Variants in GNB1 observed in about 807,000 individuals in gnomAD.
The protein encoded by GNB1 is G protein subunit beta 1, also known as guanine nucleotide-binding protein G(I)/G(S)/G(T) subunit beta-1.
In GNB1, 2 loss-of-function variants were observed where a neutral mutation model predicts 42.9. The ratio of observed to expected loss-of-function variants is 0.05; its 90% CI spans 0.02 to 0.15. GNB1 has a LOEUF of 0.15. Ranked by LOEUF, GNB1 falls within the 10% of genes least tolerant of loss-of-function variation. The pLI is 1.00. For missense variants in GNB1, 193 were observed against 462.2 expected, an observed-to-expected ratio of 0.42 and a Z score of 5.34; for synonymous variants, 183 against 174.7, an observed-to-expected ratio of 1.05 and a Z score of -0.38.
rs144056187 is a variant in GNB1 at position 1,863,545 on chromosome 1, T to C, written c.-95-24307A>G. Reference sequence around the variant, plus strand: ...TCTACTTAGGAGACCTAACTGCCTTTCTATGGCTAAACCTAGTGTTCAGGC... The same window carrying C: ...TCTACTTAGGAGACCTAACTGCCTTCCTATGGCTAAACCTAGTGTTCAGGC... On this transcript the variant is annotated intron_variant, in intron 1 of 11. Transcript: ENST00000378609. Among the ~76,000 whole-genome samples, 16 of 152,302 alleles carry C rather than the reference T, an allele frequency of 1.1e-4. 1 individual carries two copies. In the East Asian group the frequency reaches 3.1e-3, roughly 29 times the overall value.
chr1:1,824,578 AT>A (rs555144782), intron 3 of GNB1, among the ~76,000 whole-genome samples: 5 of 149,652 alleles, frequency 3.3e-5, no homozygotes, highest in African/African-American at 9.8e-5. Context: ...TTTATCTTCA[AT>A]TTTTTTTTTA....
At position 1,889,300 on chromosome 1, in the gene GNB1, ATT is replaced by A. The variant is rs142116846; in HGVS notation, c.-96+1518_-96+1519del. On this transcript the variant is annotated intron_variant, in intron 1 of 11. Coordinates refer to ENST00000378609, the MANE Select transcript of GNB1 (RefSeq NM_002074.5). ...AGCAACTGCTTAATCACCTAATACTATTTGAGACTAATGTTATCAGATAGATA... is the reference window on the plus strand; with the variant it reads ...AGCAACTGCTTAATCACCTAATACTATGAGACTAATGTTATCAGATAGATA... 5.1e-3 allele frequency among the ~76,000 whole-genome samples: 780 copies of A among 152,322 alleles called. 6 individuals are homozygous for A. Among genetic ancestry groups the A allele is most frequent in the African/African-American group, 0.017 (719 of 41,570 alleles).
intron 8 of GNB1, among the ~76,000 whole-genome samples, chr1:1,791,055 G>A (rs1646474976): frequency 6.6e-6 from 1 of 152,174 alleles, no homozygotes. Flanking sequence ...AGAAAAGGCA[G>A]GCAGGAGAAG....
intron 3 of GNB1, chr1:1,825,021 T>C: frequency 5.6e-6 from 1 of 178,640 alleles, no homozygotes; most frequent in African/African-American, 2.4e-5. Context: ...TTGTTAATAC[T>C]CTTACTTTTA....
At chr1:1,788,815 C>G (rs1486429864) in intron 10 of GNB1, 5 of 487,668 alleles carry the variant, frequency 1.0e-5, no homozygotes, top group Non-Finnish European at 1.9e-5. Context: ...CCTCTCCTGC[C>G]CACTGACTCT....
intron 1 of GNB1, among the ~76,000 whole-genome samples, chr1:1,842,288 G>T (rs1453020710): frequency 6.6e-6 from 1 of 152,150 alleles, no homozygotes; most frequent in African/African-American, 2.4e-5. Context: ...AAATTAGCCG[G>T]GCATGGTGGC....
rs181539575 is a variant in GNB1, at chr1:1,837,006, T to C, written c.-47+2184A>G. On this transcript the variant is annotated intron_variant, in intron 2 of 11. Coordinates refer to ENST00000378609, the MANE Select transcript of GNB1 (RefSeq NM_002074.5). ...CTAGCCAAAATTGAGTTTTGAGAGT[T>C]CTTACCTATTCTGGATACAAGTCAT... is the stretch of plus-strand genomic sequence containing the variant. Among the ~76,000 whole-genome samples, 11 of 152,114 alleles carry C rather than the reference T, an allele frequency of 7.2e-5. No individual in the cohort carries two copies. The East Asian group carries it at 2.1e-3, about 29-fold the overall frequency.
At chr1:1,871,426 C>T (rs1254596253) in intron 1 of GNB1, among the ~76,000 whole-genome samples, 2 of 152,158 alleles carry the variant, frequency 1.3e-5, no homozygotes, top group African/African-American at 4.8e-5. Context: ...CGCTACTGCA[C>T]TCCAGCCACG....
intron 5 of GNB1, among the ~76,000 whole-genome samples, chr1:1,813,984 C>T (rs898816189): frequency 2.0e-5 from 3 of 152,174 alleles, no homozygotes; most frequent in Non-Finnish European, 2.9e-5. Flanking sequence ...TTGAAACACA[C>T]GTTATTATGA....
At position 1,790,508 on chromosome 1, in the gene GNB1, T is replaced by A. The variant is rs757075718; in HGVS notation, c.586A>T (p.Thr196Ser). The A allele has an allele frequency of 1.9e-6, 3 of 1,613,354 alleles. No homozygotes were observed. The highest frequency in any genetic ancestry group is 2.5e-6 in the Non-Finnish European group (3 of 1,179,454). The change falls in exon 9 of 12, where the codon ACC (threonine) becomes TCC (serine). Residue 196 changes from threonine to serine, a missense_variant. Physicochemically the swap from Thr to Ser is moderately conservative, Grantham distance 58 (BLOSUM62 1). Transcript: ENST00000378609. This position sits in a 1 kb window ranked among gnomAD's most constrained non-coding sequence, Gnocchi z 5.4. ...CAAGCACCAGAGACGAACAGTCTGG[T>A]GTCAGGAGCAAGAGAAAGGCTCATG... ...DVMSLSLAPD[T>S]RLFVSGACDA...
At chr1:1,797,874 G>T (rs1646567954) in intron 7 of GNB1, among the ~76,000 whole-genome samples, 1 of 152,246 alleles carries the variant, frequency 6.6e-6, no homozygotes, top group Admixed American at 6.5e-5. Flanking sequence ...TGAAAGGCAG[G>T]CGGGCAAATG....
Position 1,789,234 on chromosome 1 carries a change from T to G in GNB1, c.735A>C (p.Ser245=). 1.2e-6 allele frequency: 2 copies of G among 1,612,352 alleles called. No individual in the cohort carries two copies. Among genetic ancestry groups the G allele is most frequent in the Non-Finnish European group, 1.7e-6 (2 of 1,178,400 alleles). ...FPNGNAFATG[S]DDATCRLFDL... ...CAAACAGCCTGCAGGTGGCGTCGTC[T>G]GAGCCAGTGGCAAATGCATTGCCAT... Residue 245 remains serine (S), a synonymous_variant, in exon 10 of 12, where the codon TCA becomes TCC. Transcript: ENST00000378609.
intron 7 of GNB1, among the ~76,000 whole-genome samples, chr1:1,795,177 G>A (rs971781604): frequency 5.9e-5 from 9 of 152,196 alleles, no homozygotes; most frequent in East Asian, 3.9e-4. Flanking sequence ...CATACCTGGC[G>A]CCCCCTGTAG....
At chr1:1,852,386 G>T (rs191621683) in intron 1 of GNB1, among the ~76,000 whole-genome samples, 1 of 151,958 alleles carries the variant, frequency 6.6e-6, no homozygotes, top group South Asian at 2.1e-4. Context: ...CCGCCACCAC[G>T]CCTGGCTAAT....
intron 2 of GNB1, 41 bp downstream of exon 2, chr1:1,839,149 G>A (rs989257683): frequency 1.3e-5 from 2 of 152,170 alleles, no homozygotes; most frequent in African/African-American, 2.4e-5. Context: ...TTTATATATT[G>A]TCTTTCTAAA....
intron 5 of GNB1, among the ~76,000 whole-genome samples, chr1:1,807,578 T>G (rs916119658): frequency 6.6e-6 from 1 of 150,554 alleles, no homozygotes; most frequent in Non-Finnish European, 1.5e-5. Context: ...TTTCCCAGAC[T>G]GAGCTAAAAT....
chr1:1,883,226 C>T (rs1363018353), intron 1 of GNB1, among the ~76,000 whole-genome samples: 1 of 143,894 alleles, frequency 6.9e-6, no homozygotes, highest in African/African-American at 2.6e-5. Flanking sequence ...GAACCATGAT[C>T]ATACCATCAC....
chr1:1,836,275 G>A (rs1260677449), intron 2 of GNB1, among the ~76,000 whole-genome samples: 3 of 151,900 alleles, frequency 2.0e-5, no homozygotes, highest in Non-Finnish European at 4.4e-5. Flanking sequence ...TCTGCATCTC[G>A]CTGACTGCTG....
At chr1:1,797,446 T>C (rs1035565659) in intron 7 of GNB1, among the ~76,000 whole-genome samples, 1 of 146,766 alleles carries the variant, frequency 6.8e-6, no homozygotes, top group African/African-American at 2.5e-5. Context: ...CCAAAATTCC[T>C]TTTTTTTTTT....
Sources: gnomAD v4.1 joint callset for allele counts (sites outside exome capture counted in the v4.1 genomes callset) on GRCh38, gnomAD v4.1.1 for gene constraint, Gnocchi (gnomAD v3.1) non-coding constraint, MANE v1.5 for transcripts, NCBI Gene and HGNC (gene_info 2026-07-23, HGNC 2026-07-21) for gene names.